Variants in RHBDL3 observed in about 807,000 individuals in gnomAD.
The protein encoded by RHBDL3 is rhomboid-related protein 3.
RHBDL3 carries 28 observed loss-of-function variants against 48.2 expected under a neutral mutation model. The observed-to-expected ratio is 0.58, with a 90% CI of 0.43 to 0.80. The LOEUF (loss-of-function observed/expected upper bound fraction) is 0.80. Ranked by LOEUF, RHBDL3 falls within the 30% of genes least tolerant of loss-of-function variation. RHBDL3 has a pLI of 0.00. For missense variants in RHBDL3, 464 were observed against 542.7 expected (o/e 0.85, Z 1.44); for synonymous variants, 208 against 232.3 (o/e 0.90, Z 0.95).
intron 6 of RHBDL3, among the ~76,000 whole-genome samples, chr17:32,302,550 TA>T (rs10585399): frequency 0.019 from 742 of 40,088 alleles, 4 homozygotes; most frequent in African/African-American, 0.047. Context: ...TATATATATA[TA>T]TTTTTTTTTA....
chr17:32,304,612 C>A (rs946093900), intron 6 of RHBDL3, among the ~76,000 whole-genome samples: 2 of 152,172 alleles, frequency 1.3e-5, no homozygotes, highest in Admixed American at 6.5e-5. Context: ...TGCTTGGTAT[C>A]CGTGTCACCT....
At chr17:32,292,978 A>G (rs759812019) in intron 4 of RHBDL3, among the ~76,000 whole-genome samples, 39 of 152,160 alleles carry the variant, frequency 2.6e-4, no homozygotes, top group South Asian at 6.2e-4. Context: ...ACAGAGTGAG[A>G]TCCTGTCTCA....
intron 7 of RHBDL3, among the ~76,000 whole-genome samples, chr17:32,305,778 CGTG>C (rs72542573): frequency 0.025 from 3,841 of 151,900 alleles, 164 homozygotes; most frequent in African/African-American, 0.088. Context: ...ATTAGCCAGG[CGTG>C]GTGGCATGCG....
intron 7 of RHBDL3, among the ~76,000 whole-genome samples, chr17:32,308,707 G>A (rs1455726173): frequency 6.6e-6 from 1 of 152,226 alleles, no homozygotes; most frequent in African/African-American, 2.4e-5. Context: ...TTTGTCAAGA[G>A]GCTACCTTTA....
At chr17:32,315,116 G>A (rs988762307) in intron 7 of RHBDL3, among the ~76,000 whole-genome samples, 1 of 152,222 alleles carries the variant, frequency 6.6e-6, no homozygotes, top group African/African-American at 2.4e-5. Flanking sequence ...ATAGATGTTA[G>A]TGTCCATGCC....
At chr17:32,283,250 C>T (rs957180269) in intron 2 of RHBDL3, among the ~76,000 whole-genome samples, 6 of 150,974 alleles carry the variant, frequency 4.0e-5, no homozygotes, top group South Asian at 2.1e-4. Flanking sequence ...GGGTGGGCTC[C>T]GTGAGGAAAG....
At chr17:32,318,859 C>T (rs1043579818) in intron 8 of RHBDL3, among the ~76,000 whole-genome samples, 1 of 152,176 alleles carries the variant, frequency 6.6e-6, no homozygotes, top group Non-Finnish European at 1.5e-5. Context: ...TCACGTCCAC[C>T]TTCCTTACTT....
At chr17:32,320,568 C>T (rs1015528171) in intron 8 of RHBDL3, among the ~76,000 whole-genome samples, 2 of 152,196 alleles carry the variant, frequency 1.3e-5, no homozygotes, top group African/African-American at 2.4e-5. Flanking sequence ...AGGTGATCCA[C>T]CCGCCTCGGC....
chr17:32,284,787 G>T lies in RHBDL3; in HGVS notation c.264G>T (p.Gly88=), dbSNP rs779301840. The T allele has an allele frequency of 3.7e-6, 6 of 1,613,994 alleles. No individual in the cohort carries two copies. In the South Asian group the frequency reaches 6.6e-5, roughly 18 times the overall value. ...CTCTTGCCGACAGCCACGCGGATGG[G>T]CAGATCGGCTACCAGGATTTTGTCA... ...LLALADSHAD[G]QIGYQDFVSL... is the part of the protein sequence containing the mutation. Residue 88 remains glycine (G), a synonymous_variant, in exon 3 of 9, where the codon GGG becomes GGT. Coordinates refer to ENST00000269051, the MANE Select transcript of RHBDL3 (RefSeq NM_138328.3).
At chr17:32,315,888 G>A (rs886663266) in intron 7 of RHBDL3, among the ~76,000 whole-genome samples, 5 of 151,642 alleles carry the variant, frequency 3.3e-5, no homozygotes, top group Non-Finnish European at 5.9e-5. Flanking sequence ...GTTCTGTCTT[G>A]ACTTTGCTTG....
intron 3 of RHBDL3, among the ~76,000 whole-genome samples, 197 bp from the exon 4 acceptor site, chr17:32,288,595 A>G (rs911659518): frequency 2.0e-5 from 3 of 152,340 alleles, no homozygotes; most frequent in Admixed American, 6.5e-5. Context: ...CAAATGAGCC[A>G]AAAGACGTGA....
At chr17:32,297,233 C>T (rs1047090549) in intron 5 of RHBDL3, among the ~76,000 whole-genome samples, 10 of 150,850 alleles carry the variant, frequency 6.6e-5, no homozygotes, top group African/African-American at 2.4e-4. Flanking sequence ...TTTGGGAGGC[C>T]GAGGCGAGTG....
intron 3 of RHBDL3, among the ~76,000 whole-genome samples, chr17:32,286,016 G>GGAGCAGACCTCCTGGA (rs2040191471): frequency 6.6e-6 from 1 of 152,170 alleles, no homozygotes; most frequent in Non-Finnish European, 1.5e-5. Flanking sequence ...GTGGACCCGG[G>GGAGCAGACCTCCTGGA]GAGCAGACCT....
rs545664978 is a variant in RHBDL3 at position 32,315,395 on chromosome 17, A to G, written c.883-837A>G. Among the ~76,000 whole-genome samples the G allele has an allele frequency of 1.3e-4, 20 of 152,354 alleles. 1 individual carries two copies. The South Asian group carries it at 4.1e-3, about 32-fold the overall frequency. Reference sequence around the variant, plus strand: ...GCCTCTCAAAGGAATCCTGTGGTGAAGTCTTTTGTAAAGTGAAAAGTCCTT... The same window carrying G: ...GCCTCTCAAAGGAATCCTGTGGTGAGGTCTTTTGTAAAGTGAAAAGTCCTT... On this transcript the variant is annotated intron_variant, in intron 7 of 8. Coordinates refer to ENST00000269051, the MANE Select transcript of RHBDL3 (RefSeq NM_138328.3).
chr17:32,288,980 C>T lies in RHBDL3; in HGVS notation c.483C>T (p.Pro161=), dbSNP rs1354954378. 2 of 1,614,044 alleles carry T rather than the reference C, an allele frequency of 1.2e-6. No homozygotes were observed. The highest frequency in any genetic ancestry group is 2.7e-5 in the African/African-American group (2 of 74,910). Residue 161 remains proline (P), a synonymous_variant, in exon 4 of 9, where the codon CCC becomes CCT. Coordinates refer to ENST00000269051, the MANE Select transcript of RHBDL3 (RefSeq NM_138328.3). ...ACTATGACAGCTACACCTGCTGCCCCCCACCCTGGTTCATGATCACAGTCA... is the reference window on the plus strand; with the variant it reads ...ACTATGACAGCTACACCTGCTGCCCTCCACCCTGGTTCATGATCACAGTCA... The part of the protein sequence containing the change: ...KWYYDSYTCC[P]PPWFMITVTL...
intron 6 of RHBDL3, among the ~76,000 whole-genome samples, chr17:32,304,958 GA>G (rs1234921246): frequency 6.6e-6 from 1 of 151,980 alleles, no homozygotes; most frequent in Non-Finnish European, 1.5e-5. Flanking sequence ...TCTCTACTAA[GA>G]AAAATACAAA....
At chr17:32,279,629 G>A (rs2039995419) in intron 2 of RHBDL3, among the ~76,000 whole-genome samples, 1 of 152,216 alleles carries the variant, frequency 6.6e-6, no homozygotes, top group Non-Finnish European at 1.5e-5. Context: ...ATTCCAAATA[G>A]AAGATTGGCT....
At chr17:32,284,613 G>A (rs1378339461) in intron 2 of RHBDL3, 46 bp from the exon 3 acceptor site, 1 of 1,596,790 alleles carries the variant, frequency 6.3e-7, no homozygotes, top group African/African-American at 1.3e-5. Context: ...AGTGTGAAGA[G>A]GAGGTGGTGC....
intron 2 of RHBDL3, among the ~76,000 whole-genome samples, chr17:32,273,292 G>C (rs1165237953): frequency 3.3e-5 from 5 of 152,264 alleles, no homozygotes; most frequent in Admixed American, 3.3e-4. Flanking sequence ...GCGAGCCACC[G>C]CGCCCAGCCC....
Sources: allele counts gnomAD v4.1 joint callset (sites outside exome capture counted in the v4.1 genomes callset), GRCh38; gene constraint gnomAD v4.1.1; transcripts MANE v1.5; gene names NCBI Gene and HGNC (gene_info 2026-07-23, HGNC 2026-07-21).